MROH2B: variants seen among roughly 807,000 people sequenced by gnomAD.
MROH2B encodes maestro heat-like repeat-containing protein family member 2B.
In MROH2B, 177 loss-of-function variants were observed where a neutral mutation model predicts 208.6. The ratio of observed to expected loss-of-function variants is 0.85; its 90% confidence interval spans 0.75 to 0.96. The LOEUF is 0.96. MROH2B is among the 40% of genes least tolerant of loss of function. The pLI is 0.00. For missense variants in MROH2B, 2,002 were observed against 1,878.7 expected (o/e 1.07, Z -1.21); for synonymous variants, 728 against 659.0 (o/e 1.10, Z -1.60).
rs749731943 is a variant in MROH2B, at chr5:41,009,346, C to A, written c.3354G>T (p.Leu1118Phe). The change falls in exon 32 of 42, where the codon TTG becomes TTT. Residue 1118 changes from leucine (L) to phenylalanine (F), a missense_variant. Coordinates refer to ENST00000399564, the MANE Select transcript of MROH2B (RefSeq NM_173489.5). ...TCTCCAGTTTGTCTATTAAGGCTTG[C>A]AAGAGTTTCCCACTGGAGGCTGGCT... ...AEKPASSGKL[L>F]QALIDKLETE... The A allele has an allele frequency of 1.2e-6, 2 of 1,613,922 alleles. No homozygotes were observed. The highest frequency in any genetic ancestry group is 1.7e-6 in the Non-Finnish European group (2 of 1,179,816).
rs1487643871 is a variant in MROH2B at position 41,070,923 on chromosome 5, G to A, written c.-71C>T. The stretch of plus-strand genomic sequence containing the variant: ...GAAATAGTAAGGCTAAAAAATCAAA[G>A]AGGCAGGTTGGCAAGTTTCTCATAT... On this transcript the variant is annotated 5_prime_UTR_variant, in exon 1 of 42. Coordinates refer to ENST00000399564, the MANE Select transcript of MROH2B (RefSeq NM_173489.5). 14 of 1,525,838 alleles carry A rather than the reference G, an allele frequency of 9.2e-6. No homozygotes were observed. The highest frequency in any genetic ancestry group is 2.4e-5 in the South Asian group (2 of 84,604). 94.5% of individuals were successfully genotyped at this position (1,525,838 alleles called of 1,614,324 possible).
In MROH2B at chr5:41,008,594, T is replaced by C. The variant is rs372456843; in HGVS notation, c.3608+12A>G. 1 of 1,612,530 alleles carries C rather than the reference T, an allele frequency of 6.2e-7. No individual in the cohort carries two copies. The highest frequency in any genetic ancestry group is 1.3e-5 in the African/African-American group (1 of 74,892). On this transcript the variant is annotated intron_variant, in intron 33 of 41. Coordinates refer to ENST00000399564, the MANE Select transcript of MROH2B (RefSeq NM_173489.5). ...GACCACTGTGGAAGATGCTTCCTGA[T>C]TGGCCGTTTACCTGCAGGGGTCTGG...
chr5:41,025,038 G>A (rs778242145), intron 24 of MROH2B, among the ~76,000 whole-genome samples: 3 of 152,210 alleles, frequency 2.0e-5, no homozygotes, highest in Admixed American at 6.5e-5. Context: ...TTAAAGCAAT[G>A]TGTAGAGGGA....
At chr5:41,045,660 G>T in intron 18 of MROH2B, 86 bp downstream of exon 18, 1 of 925,188 alleles carries the variant, frequency 1.1e-6, no homozygotes, top group Non-Finnish European at 1.7e-6. Context: ...CCCTCCCTTT[G>T]ATTGTGATAC....
At position 41,004,934 on chromosome 5, in the gene MROH2B, C is replaced by A; in HGVS notation, c.3865-14G>T. The A allele has an allele frequency of 6.2e-7, 1 of 1,612,744 alleles. No individual in the cohort carries two copies. The highest frequency in any genetic ancestry group is 1.7e-5 in the Admixed American group (1 of 59,898). On this transcript the variant is annotated splice_polypyrimidine_tract_variant and intron_variant, in intron 35 of 41. Transcript: ENST00000399564. ...TTCCTTCATGAGCTGAAATAATCAA[C>A]ACACTCCTCCCGTTTAGTTAAGGGC...
chr5:41,023,872 C>T (rs7719859), intron 24 of MROH2B, among the ~76,000 whole-genome samples: 24,576 of 152,034 alleles, frequency 0.16, 2,083 homozygotes, highest in East Asian at 0.26. Context: ...GAGTAGGGGC[C>T]AATATTCAAC....
rs141988084 is a variant in MROH2B, at chr5:41,057,560, C to G, written c.757-200G>C. 0.024 allele frequency among the ~76,000 whole-genome samples: 171 copies of G among 7,110 alleles called. 7 individuals carry two copies. In the East Asian group the frequency reaches 0.35, roughly 14 times the overall value. 4.7% of individuals were successfully genotyped at this position (7,110 alleles called of 152,430 possible). On this transcript the variant is annotated intron_variant, in intron 7 of 41. Transcript: ENST00000399564. ...GGAATGAATGAATGAACGAATATCCCTCCTTTTTTTTTTTGAGACGGAGTC... is the reference window on the plus strand; with the variant it reads ...GGAATGAATGAATGAACGAATATCCGTCCTTTTTTTTTTTGAGACGGAGTC...
intron 24 of MROH2B, among the ~76,000 whole-genome samples, chr5:41,022,831 C>T (rs1344889851): frequency 6.6e-6 from 1 of 152,178 alleles, no homozygotes; most frequent in East Asian, 1.9e-4. Context: ...ATCAGGTACG[C>T]CTCTGAGACG....
intron 21 of MROH2B, among the ~76,000 whole-genome samples, chr5:41,037,406 A>G (rs1742800498): frequency 6.6e-6 from 1 of 152,180 alleles, no homozygotes; most frequent in South Asian, 2.1e-4. Context: ...ACTCTTGAGG[A>G]GCATGTTGAA....
chr5:41,070,760 T>A, intron 1 of MROH2B, 65 bp downstream of exon 1: 1 of 1,555,430 alleles, frequency 6.4e-7, no homozygotes, highest in Non-Finnish European at 8.8e-7. Flanking sequence ...TCATATATAC[T>A]TATAATTCCA....
At chr5:41,059,055 A>AG in intron 6 of MROH2B, among the ~76,000 whole-genome samples, 1 of 151,494 alleles carries the variant, frequency 6.6e-6, no homozygotes. Flanking sequence ...CTCAAAAAAA[A>AG]AAAAAAAAAA....
chr5:41,041,775 G>A (rs78844475), intron 19 of MROH2B, among the ~76,000 whole-genome samples: 1,862 of 141,122 alleles, frequency 0.013, 42 homozygotes, highest in African/African-American at 0.046. Flanking sequence ...GTCTAGATTA[G>A]TCTATAAGTA....
chr5:41,068,796 T>C (rs1743888348), intron 2 of MROH2B, among the ~76,000 whole-genome samples: 1 of 152,172 alleles, frequency 6.6e-6, no homozygotes, highest in African/African-American at 2.4e-5. Flanking sequence ...ATGTAATGGT[T>C]TTCAACCGTA....
chr5:41,060,429 C>G (rs2150181076), intron 6 of MROH2B, among the ~76,000 whole-genome samples: 1 of 152,306 alleles, frequency 6.6e-6, no homozygotes, highest in Middle Eastern at 3.4e-3. Flanking sequence ...CATTATGTGA[C>G]TAAGGCCATC....
chr5:41,066,716 A>T (rs1034847011), intron 3 of MROH2B, among the ~76,000 whole-genome samples: 1 of 152,156 alleles, frequency 6.6e-6, no homozygotes, highest in African/African-American at 2.4e-5. Flanking sequence ...ACAAATTATT[A>T]TTTTTTTGCT....
chr5:41,061,013 C>A (rs1197548118), intron 6 of MROH2B, among the ~76,000 whole-genome samples: 1 of 152,272 alleles, frequency 6.6e-6, no homozygotes, highest in East Asian at 1.9e-4. Flanking sequence ...AGGGAATATA[C>A]TTTTAAAGCA....
intron 30 of MROH2B, among the ~76,000 whole-genome samples, chr5:41,010,723 T>A (rs1741747505): frequency 6.6e-6 from 1 of 152,142 alleles, no homozygotes; most frequent in African/African-American, 2.4e-5. Context: ...GTCAAACCCA[T>A]AGACTGTACA....
At chr5:41,027,455 C>G (rs1393896004) in intron 24 of MROH2B, among the ~76,000 whole-genome samples, 1 of 152,058 alleles carries the variant, frequency 6.6e-6, no homozygotes, top group African/African-American at 2.4e-5. Flanking sequence ...TCATCACTGG[C>G]CATCAGAGAA....
rs1236984836 is a variant in MROH2B at position 41,017,901 on chromosome 5, T to C, written c.2833A>G (p.Thr945Ala). 6.3e-7 allele frequency: 1 copy of C among 1,589,966 alleles called. No individual in the cohort carries two copies. The highest frequency in any genetic ancestry group is 2.3e-5 in the East Asian group (1 of 44,248). ...LAPHSCDTLPTIRQAAASSTI... is the reference protein window; with the variant it reads ...LAPHSCDTLPAIRQAAASSTI... Reference sequence around the variant, plus strand: ...GAGCTAGCAGCCGCCTGACGGATGGTGGGCAGGGTATCACAGGAGTGAGGA... The same window carrying C: ...GAGCTAGCAGCCGCCTGACGGATGGCGGGCAGGGTATCACAGGAGTGAGGA... Residue 945 changes from threonine (T) to alanine (A), a missense_variant, in exon 28 of 42, where the codon ACC becomes GCC. Physicochemically the swap from Thr to Ala is moderately conservative, Grantham distance 58 (BLOSUM62 0). Coordinates refer to ENST00000399564, the MANE Select transcript of MROH2B (RefSeq NM_173489.5).
Sources: gnomAD v4.1 joint callset for allele counts (sites outside exome capture counted in the v4.1 genomes callset) on GRCh38, gnomAD v4.1.1 for gene constraint, MANE v1.5 for transcripts, NCBI Gene and HGNC (gene_info 2026-07-23, HGNC 2026-07-21) for gene names.